PTPRT: variants seen among roughly 807,000 people sequenced by gnomAD.
The protein encoded by PTPRT is receptor-type tyrosine-protein phosphatase T.
In PTPRT, 56 loss-of-function variants were observed where a neutral mutation model predicts 176.8. The ratio of observed to expected loss-of-function variants is 0.32; its 90% CI spans 0.26 to 0.40. PTPRT has a LOEUF of 0.40. Among genes scored for constraint, PTPRT ranks in the 10% least tolerant of loss-of-function variants. The probability of loss-of-function intolerance (pLI) is 1.00; values close to 1 mark genes in which losing one functional copy is unlikely to be tolerated. For missense variants in PTPRT, 1,540 were observed against 1,908.2 expected (o/e 0.81, Z 3.60); for synonymous variants, 783 against 739.0 (o/e 1.06, Z -0.96).
At chr20:42,209,763 T>C (rs1454675174) in intron 15 of PTPRT, among the ~76,000 whole-genome samples, 1 of 152,034 alleles carries the variant, frequency 6.6e-6, no homozygotes, top group Non-Finnish European at 1.5e-5. Flanking sequence ...TTCCAATCAA[T>C]AGAAAAAGAG....
At chr20:42,455,573 A>T (rs1254370061) in intron 8 of PTPRT, among the ~76,000 whole-genome samples, 1 of 152,160 alleles carries the variant, frequency 6.6e-6, no homozygotes, top group African/African-American at 2.4e-5. Context: ...GACATTTAAG[A>T]GTTACTCTTT....
At chr20:42,723,354 G>A (rs2076330728) in intron 6 of PTPRT, among the ~76,000 whole-genome samples, 1 of 152,126 alleles carries the variant, frequency 6.6e-6, no homozygotes, top group Non-Finnish European at 1.5e-5. Context: ...GCAGCTGGCA[G>A]GTCAACCAGG....
chr20:42,192,623 T>C (rs1991044748), intron 16 of PTPRT, among the ~76,000 whole-genome samples: 1 of 152,158 alleles, frequency 6.6e-6, no homozygotes, highest in South Asian at 2.1e-4. Context: ...TTTGGTCATG[T>C]TGGGAGGTAC....
intron 8 of PTPRT, among the ~76,000 whole-genome samples, chr20:42,453,331 C>A (rs1421354324): frequency 6.6e-6 from 1 of 151,886 alleles, no homozygotes; most frequent in African/African-American, 2.4e-5. Context: ...TCTTTTTATG[C>A]CCCTCAGTTA....
chr20:43,186,583 A>G (rs1006382326), intron 1 of PTPRT, among the ~76,000 whole-genome samples: 6 of 152,208 alleles, frequency 3.9e-5, no homozygotes, highest in African/African-American at 1.4e-4. Context: ...TGGCAGCCTG[A>G]CACCTTCAAG....
intron 2 of PTPRT, among the ~76,000 whole-genome samples, chr20:42,818,362 CCA>C (rs964432227): frequency 3.4e-4 from 50 of 149,010 alleles, no homozygotes; most frequent in Admixed American, 3.1e-3. Context: ...ACAAAAAGAC[CCA>C]AAAAAAAAAC....
chr20:42,487,317 C>A (rs541297916), intron 7 of PTPRT, among the ~76,000 whole-genome samples: 1 of 152,278 alleles, frequency 6.6e-6, no homozygotes, highest in African/African-American at 2.4e-5. Flanking sequence ...CAGATGAGTT[C>A]TTCCTGTCCT....
chr20:42,501,395 G>A (rs1269829305), intron 7 of PTPRT, among the ~76,000 whole-genome samples: 1 of 152,068 alleles, frequency 6.6e-6, no homozygotes, highest in Non-Finnish European at 1.5e-5. Flanking sequence ...TAGGAATAGT[G>A]CTATCATGAA....
At chr20:42,630,057 G>T (rs1222862466) in intron 7 of PTPRT, among the ~76,000 whole-genome samples, 2 of 152,178 alleles carry the variant, frequency 1.3e-5, no homozygotes, top group East Asian at 3.9e-4. Context: ...GAGATGGGGA[G>T]ATTATTCTTC....
intron 9 of PTPRT, among the ~76,000 whole-genome samples, chr20:42,415,842 G>A (rs1883269): frequency 0.85 from 129,274 of 152,196 alleles, 55,043 homozygotes; most frequent in East Asian, 0.87. Context: ...AAACATTATT[G>A]ATCCACATGA....
At chr20:42,463,572 G>A (rs1041401032) in intron 8 of PTPRT, among the ~76,000 whole-genome samples, 4 of 152,078 alleles carry the variant, frequency 2.6e-5, no homozygotes, top group Non-Finnish European at 4.4e-5. Context: ...GTGTTATCAA[G>A]GGAAGTTTTC....
intron 7 of PTPRT, among the ~76,000 whole-genome samples, chr20:42,600,289 G>A (rs546301383): frequency 1.4e-4 from 22 of 152,050 alleles, no homozygotes; most frequent in Non-Finnish European, 2.5e-4. Flanking sequence ...ACAGGTGTGC[G>A]CCATAAAGTC....
the PTPRT span, among the ~76,000 whole-genome samples, chr20:42,054,596 A>AG: frequency 1.1e-4 from 17 of 152,086 alleles, no homozygotes; most frequent in Non-Finnish European, 2.1e-4. Context: ...TAGAGGTATG[A>AG]GGGGGCCCCT....
chr20:42,428,174 C>G (rs1314934948), intron 9 of PTPRT, among the ~76,000 whole-genome samples: 1 of 152,150 alleles, frequency 6.6e-6, no homozygotes, highest in Non-Finnish European at 1.5e-5. Flanking sequence ...ATGGCCACCC[C>G]CAGGCATAAA....
chr20:42,307,474 G>A (rs1343266304), intron 12 of PTPRT, among the ~76,000 whole-genome samples: 3 of 152,086 alleles, frequency 2.0e-5, no homozygotes, highest in African/African-American at 4.8e-5. Flanking sequence ...ACTTCCTGAT[G>A]GGGTATCCAA....
intron 8 of PTPRT, among the ~76,000 whole-genome samples, 182 bp downstream of exon 8, chr20:42,472,084 G>A (rs1434026216): frequency 6.6e-6 from 1 of 152,230 alleles, no homozygotes; most frequent in African/African-American, 2.4e-5. Flanking sequence ...TGATGGGAAA[G>A]CACTCCCTGG....
At chr20:42,603,219 C>G (rs933999002) in intron 7 of PTPRT, among the ~76,000 whole-genome samples, 2 of 151,958 alleles carry the variant, frequency 1.3e-5, no homozygotes, top group Non-Finnish European at 2.9e-5. Flanking sequence ...ACAGGAGATA[C>G]GAGTGATGTA....
intron 1 of PTPRT, among the ~76,000 whole-genome samples, chr20:43,107,653 C>T (rs2012675331): frequency 1.3e-5 from 2 of 152,186 alleles, no homozygotes; most frequent in Admixed American, 6.5e-5. Context: ...CGCAATTACA[C>T]AGTGCCAGCA....
intron 1 of PTPRT, among the ~76,000 whole-genome samples, chr20:43,009,882 C>T (rs533053029): frequency 6.6e-6 from 1 of 152,232 alleles, no homozygotes; most frequent in East Asian, 1.9e-4. Context: ...AAAGCATCTC[C>T]CAGCTGGCTG....
Sources: gnomAD v4.1 joint callset for allele counts (sites outside exome capture counted in the v4.1 genomes callset) on GRCh38, gnomAD v4.1.1 for gene constraint, MANE v1.5 for transcripts, NCBI Gene and HGNC (gene_info 2026-07-23, HGNC 2026-07-21) for gene names.